Variants in MDN1 observed in about 807,000 individuals in gnomAD.
The protein encoded by MDN1 is midasin AAA ATPase 1.
In MDN1, 266 loss-of-function variants were observed where a neutral mutation model predicts 669.2. That is an observed-to-expected ratio of 0.40 (90% CI 0.36 to 0.44). The LOEUF (loss-of-function observed/expected upper bound fraction) is 0.44. Among genes scored for constraint, MDN1 ranks in the 20% least tolerant of loss-of-function variants. The pLI, the probability that MDN1 is intolerant of heterozygous loss-of-function variation, is 1.00. For missense variants in MDN1, 5,940 were observed against 6,754.0 expected (o/e 0.88, Z 4.22); for synonymous variants, 2,385 against 2,457.1 (o/e 0.97, Z 0.87).
At chr6:89,743,027 A>T in intron 31 of MDN1, 123 bp downstream of exon 31, 1 of 1,192,650 alleles carries the variant, frequency 8.4e-7, no homozygotes. Flanking sequence ...GGCTACAGTG[A>T]ACTATGATCA....
At chr6:89,697,956 G>A (rs185686524) in intron 59 of MDN1, among the ~76,000 whole-genome samples, 17 of 152,214 alleles carry the variant, frequency 1.1e-4, no homozygotes, top group Middle Eastern at 6.8e-3. Flanking sequence ...ATCAGTAAAC[G>A]TGAAAATATG....
chr6:89,734,684 A>C (rs1257613802), intron 33 of MDN1, among the ~76,000 whole-genome samples: 5 of 118,264 alleles, frequency 4.2e-5, no homozygotes, highest in African/African-American at 6.8e-5. Flanking sequence ...AAAAAAAAAA[A>C]AAAAACAAGA....
chr6:89,757,963 G>A (rs1290346348), intron 19 of MDN1, among the ~76,000 whole-genome samples: 2 of 152,104 alleles, frequency 1.3e-5, no homozygotes, highest in Non-Finnish European at 2.9e-5. Flanking sequence ...CAGGAGAATC[G>A]CTTGAACCCA....
chr6:89,797,577 T>C (rs1819675254), intron 2 of MDN1: 3 of 395,794 alleles, frequency 7.6e-6, no homozygotes, highest in South Asian at 3.9e-5. Flanking sequence ...GCCAGTACAG[T>C]AGTAGCAGTT....
In MDN1 at chr6:89,791,592, G is replaced by A. The variant is rs144679884; in HGVS notation, c.856-1191C>T. ...CCATTCTTTCTACTTTGGAATATGT[G>A]CGACATTTTCTGTAACAAAAAGTAA... On this transcript the variant is annotated intron_variant, in intron 5 of 101. Coordinates refer to ENST00000369393, the MANE Select transcript of MDN1 (RefSeq NM_014611.3). 1.6e-4 allele frequency among the ~76,000 whole-genome samples: 25 copies of A among 152,210 alleles called. No individual in the cohort carries two copies. In the East Asian group the frequency reaches 4.8e-3, roughly 29 times the overall value.
rs748586555 is a variant in MDN1 at position 89,664,481 on chromosome 6, T to G, written c.14236+6A>C. ...AACAAGAATGAAGTGACAGATAATC[T>G]GAAACCTTGTTCTTCAAGCTCCCCA... On this transcript the variant is annotated splice_donor_region_variant and intron_variant, in intron 85 of 101. Coordinates refer to ENST00000369393, the MANE Select transcript of MDN1 (RefSeq NM_014611.3). The G allele has an allele frequency of 1.9e-6, 3 of 1,613,220 alleles. No homozygotes were observed. The African/African-American group carries it at 4.0e-5, about 22-fold the overall frequency.
chr6:89,759,055 G>A, intron 17 of MDN1, 95 bp from the exon 18 acceptor site: 1 of 1,279,734 alleles, frequency 7.8e-7, no homozygotes, highest in Admixed American at 2.1e-5. Flanking sequence ...TAGAGGCGGG[G>A]CAAATCTTTC....
rs1816204479 is a variant in MDN1, at chr6:89,740,123, CACTTTTTACCT to C, written c.4593+100_4593+110del. ...TTTTTGAGTTTTTACACTTTTTACC[CACTTTTTACCT>C]AACATAAAATTCCAAATCCATTATT... is the stretch of plus-strand genomic sequence containing the variant. On this transcript the variant is annotated intron_variant, in intron 32 of 101. Coordinates refer to ENST00000369393, the MANE Select transcript of MDN1 (RefSeq NM_014611.3). 19 of 1,262,624 alleles carry C rather than the reference CACTTTTTACCT, an allele frequency of 1.5e-5. 1 individual carries two copies. The South Asian group carries it at 2.5e-4, about 17-fold the overall frequency. 78.2% of individuals were successfully genotyped at this position (1,262,624 alleles called of 1,614,324 possible).
At chr6:89,746,635 G>T (rs1298862239) in intron 27 of MDN1, among the ~76,000 whole-genome samples, 1 of 120,256 alleles carries the variant, frequency 8.3e-6, no homozygotes, top group Non-Finnish European at 1.8e-5. Flanking sequence ...AAGAAAGAAA[G>T]AAAGAAAGAA....
At chr6:89,805,307 C>G (rs79886361) in intron 1 of MDN1, among the ~76,000 whole-genome samples, 2 of 152,014 alleles carry the variant, frequency 1.3e-5, no homozygotes, top group East Asian at 1.9e-4. Context: ...TTTGGAAGGC[C>G]GAAGCAGACA....
At chr6:89,796,329 A>AAAAC (rs576429745) in intron 2 of MDN1, among the ~76,000 whole-genome samples, 2 of 99,112 alleles carry the variant, frequency 2.0e-5, no homozygotes, top group Non-Finnish European at 4.9e-5. Flanking sequence ...TGTCTCAAAA[A>AAAAC]AAAAAAAAAA....
intron 14 of MDN1, 129 bp from the exon 15 acceptor site, chr6:89,771,750 C>T: frequency 1.3e-6 from 1 of 780,348 alleles, no homozygotes. Context: ...GTTCTGTCAA[C>T]CAGGGTGGAG....
chr6:89,765,868 C>T (rs1817780424), intron 15 of MDN1, among the ~76,000 whole-genome samples: 1 of 152,270 alleles, frequency 6.6e-6, no homozygotes, highest in South Asian at 2.1e-4. Flanking sequence ...CAAAACAGTG[C>T]CTGGCACATA....
intron 5 of MDN1, among the ~76,000 whole-genome samples, chr6:89,790,616 A>G (rs1194540059): frequency 6.6e-6 from 1 of 152,236 alleles, no homozygotes; most frequent in Non-Finnish European, 1.5e-5. Flanking sequence ...CTGAGGTGGC[A>G]GTATCATTTC....
At chr6:89,703,217 C>A (rs1178447951) in intron 53 of MDN1, among the ~76,000 whole-genome samples, 1 of 152,140 alleles carries the variant, frequency 6.6e-6, no homozygotes, top group Non-Finnish European at 1.5e-5. Context: ...GGATTATAGG[C>A]ATGAGCCACT....
Position 89,819,690 on chromosome 6 carries a change from C to G in MDN1, c.-83G>C. On this transcript the variant is annotated 5_prime_UTR_variant, in exon 1 of 102. Transcript: ENST00000369393. ...CCCAAGCCGCCGAGGTCCCAGTGCC[C>G]GAGCAGCCAGCAACTACGCCCGCAG... 1 of 1,168,388 alleles carries G rather than the reference C, an allele frequency of 8.6e-7. No homozygotes were observed. The highest frequency in any genetic ancestry group is 1.3e-6 in the Non-Finnish European group (1 of 793,412). The allele number at this position is 1,168,388 out of a possible 1,614,324, so 72.4% of individuals were successfully genotyped here.
At chr6:89,660,339 A>G (rs1050153550) in intron 88 of MDN1, among the ~76,000 whole-genome samples, 1 of 151,924 alleles carries the variant, frequency 6.6e-6, no homozygotes, top group African/African-American at 2.4e-5. Flanking sequence ...TGTGTGCCAT[A>G]ATGCCCAACT....
intron 2 of MDN1, among the ~76,000 whole-genome samples, chr6:89,796,635 C>T (rs955078091): frequency 2.0e-5 from 3 of 152,078 alleles, no homozygotes; most frequent in Non-Finnish European, 4.4e-5. Context: ...CTGATAATGG[C>T]GAGGCTATGG....
intron 35 of MDN1, 118 bp from the exon 36 acceptor site, chr6:89,729,257 G>A: frequency 1.3e-6 from 1 of 758,130 alleles, no homozygotes. Flanking sequence ...AATACCATTT[G>A]CAGTGAAAAT....
Sources: gnomAD v4.1 joint callset for allele counts (sites outside exome capture counted in the v4.1 genomes callset) on GRCh38, gnomAD v4.1.1 for gene constraint, MANE v1.5 for transcripts, NCBI Gene and HGNC (gene_info 2026-07-23, HGNC 2026-07-21) for gene names.